TLE6: variants seen among roughly 807,000 people sequenced by gnomAD.
TLE6 encodes TLE family member 6, subcortical maternal complex member, also known as transducin-like enhancer protein 6.
TLE6 carries 72 observed loss-of-function variants against 77.1 expected under a neutral mutation model. The observed-to-expected ratio is 0.93, with a 90% CI of 0.77 to 1.14. The LOEUF (loss-of-function observed/expected upper bound fraction) is 1.14, where lower values mean the gene tolerates loss of function less well. TLE6 is among the 50% of genes most tolerant of loss of function. TLE6 has a pLI of 0.00. For synonymous variants in TLE6, 366 were observed against 287.3 expected, an observed-to-expected ratio of 1.27 and a Z score of -2.77; for missense variants, 843 against 747.6, an observed-to-expected ratio of 1.13 and a Z score of -1.49.
At chr19:2,979,065 C>G (rs918610300) in intron 2 of TLE6, among the ~76,000 whole-genome samples, 5 of 152,120 alleles carry the variant, frequency 3.3e-5, no homozygotes, top group African/African-American at 1.2e-4. Flanking sequence ...GATTCTCCTG[C>G]CTCGCCTCCC....
intron 13 of TLE6, 136 bp downstream of exon 13, chr19:2,989,921 A>AC: frequency 2.4e-6 from 3 of 1,236,422 alleles, no homozygotes; most frequent in Non-Finnish European, 1.1e-6. Context: ...CCCAGCCAAA[A>AC]CCCCTTGCCC....
chr19:2,978,305 G>A, intron 2 of TLE6, 21 bp downstream of exon 2: 1 of 1,550,982 alleles, frequency 6.4e-7, no homozygotes, highest in South Asian at 1.2e-5. Flanking sequence ...CATGTGGTGG[G>A]ATCAGCCCTC....
At chr19:2,987,874 T>A in intron 9 of TLE6, 24 bp from the exon 10 acceptor site, 11 of 1,612,298 alleles carry the variant, frequency 6.8e-6, no homozygotes, top group Non-Finnish European at 9.3e-6. Flanking sequence ...GCAAGCCGCT[T>A]AGCCCCTCTT....
chr19:2,988,885 G>A, intron 11 of TLE6, 176 bp from the exon 12 acceptor site: 1 of 928,764 alleles, frequency 1.1e-6, no homozygotes, highest in Admixed American at 2.9e-5. Flanking sequence ...GTGGCAAAGG[G>A]ACAATACTTG....
intron 8 of TLE6, 55 bp downstream of exon 8, chr19:2,987,427 G>A: frequency 1.2e-6 from 2 of 1,611,172 alleles, no homozygotes; most frequent in Admixed American, 1.7e-5. Context: ...GCAGGCGGTT[G>A]GGCTCCCCCA....
At chr19:2,981,449 G>C in intron 3 of TLE6, 89 bp from the exon 4 acceptor site, 1 of 1,414,764 alleles carries the variant, frequency 7.1e-7, no homozygotes, top group South Asian at 1.2e-5. Flanking sequence ...GCTTCATTGA[G>C]ACCCTCCCTA....
At chr19:2,978,380 C>G in intron 2 of TLE6, 96 bp downstream of exon 2, 1 of 1,241,874 alleles carries the variant, frequency 8.1e-7, no homozygotes, top group South Asian at 1.3e-5. Context: ...TGGCCCCGCC[C>G]AGGCCTCGCA....
intron 2 of TLE6, among the ~76,000 whole-genome samples, 178 bp downstream of exon 2, chr19:2,978,462 A>C (rs913179529): frequency 2.0e-5 from 3 of 152,232 alleles, no homozygotes; most frequent in Non-Finnish European, 4.4e-5. Context: ...AAAAAAATTA[A>C]GTGTAGGCTG....
chr19:2,979,018 C>T (rs2088739072), intron 2 of TLE6, among the ~76,000 whole-genome samples: 1 of 152,146 alleles, frequency 6.6e-6, no homozygotes, highest in Non-Finnish European at 1.5e-5. Flanking sequence ...ATGGCGCAAT[C>T]TCAGCTCACT....
At chr19:2,986,801 A>G (rs1448089331) in intron 5 of TLE6, 28 bp from the exon 6 acceptor site, 2 of 1,550,182 alleles carry the variant, frequency 1.3e-6, no homozygotes, top group African/African-American at 2.7e-5. Context: ...AACAACATTT[A>G]ACTGTTTTGC....
rs768461982 is a variant in TLE6, at chr19:2,986,277, G to A, written c.223-552G>A. Among the ~76,000 whole-genome samples the A allele has an allele frequency of 2.6e-5, 4 of 151,722 alleles. No individual in the cohort carries two copies. The East Asian group carries it at 7.8e-4, about 30-fold the overall frequency. On this transcript the variant is annotated intron_variant, in intron 5 of 16. Coordinates refer to ENST00000246112, the MANE Select transcript of TLE6 (RefSeq NM_001143986.2). ...AAAAGTGTATTTAAATTAGCTGAGC[G>A]TGGTGGTGCATACCTGTAACCCCAG...
At chr19:2,994,728 C>A (rs2089170509) in intron 16 of TLE6, among the ~76,000 whole-genome samples, 172 bp from the exon 17 acceptor site, 1 of 152,092 alleles carries the variant, frequency 6.6e-6, no homozygotes, top group Admixed American at 6.6e-5. Flanking sequence ...TGTGTGAGTC[C>A]AGGAGGTCGA....
In TLE6 at chr19:2,994,889, C is replaced by T. The variant is rs765390362; in HGVS notation, c.1615-11C>T. On this transcript the variant is annotated splice_polypyrimidine_tract_variant and intron_variant, in intron 16 of 16. Transcript: ENST00000246112. ...CCTACCCCAGCTCACTGCCCACTGC[C>T]CCCCCTCCAGGTGCCTGAGATGTCT... The T allele has an allele frequency of 1.3e-5, 20 of 1,569,158 alleles. No homozygotes were observed. The highest frequency in any genetic ancestry group is 1.7e-5 in the Non-Finnish European group (19 of 1,150,990).
At chr19:2,990,601 G>A (rs908497167) in intron 13 of TLE6, among the ~76,000 whole-genome samples, 9 of 147,248 alleles carry the variant, frequency 6.1e-5, no homozygotes, top group African/African-American at 1.5e-4. Context: ...GCAAGACTCT[G>A]TCTCAAAAAA....
At chr19:2,994,683 G>A (rs371555067) in intron 16 of TLE6, among the ~76,000 whole-genome samples, 13 of 150,266 alleles carry the variant, frequency 8.7e-5, no homozygotes, top group African/African-American at 2.2e-4. Context: ...GCACACCTGC[G>A]GTCCCAGCTA....
intron 5 of TLE6, among the ~76,000 whole-genome samples, 159 bp from the exon 6 acceptor site, chr19:2,986,670 C>T (rs2088917735): frequency 6.6e-6 from 1 of 152,148 alleles, no homozygotes; most frequent in African/African-American, 2.4e-5. Context: ...GCCGAGATTG[C>T]ACCACTGCAC....
intron 3 of TLE6, 121 bp from the exon 4 acceptor site, chr19:2,981,417 C>A: frequency 2.9e-6 from 3 of 1,027,474 alleles, no homozygotes; most frequent in South Asian, 1.5e-5. Flanking sequence ...TTAAATTTGG[C>A]TTCTGGAGCC....
At chr19:2,990,453 A>G (rs1257901098) in intron 13 of TLE6, among the ~76,000 whole-genome samples, 1 of 150,710 alleles carries the variant, frequency 6.6e-6, no homozygotes, top group Non-Finnish European at 1.5e-5. Context: ...ACTACAAAAA[A>G]ATTAGCCAGG....
intron 3 of TLE6, chr19:2,980,404 T>G (rs1024145204): frequency 2.1e-5 from 8 of 389,320 alleles, no homozygotes; most frequent in Non-Finnish European, 3.8e-5. Context: ...ATTTTCCTGT[T>G]CGACATGGAT....
Sources: gnomAD v4.1 joint callset for allele counts (sites outside exome capture counted in the v4.1 genomes callset) on GRCh38, gnomAD v4.1.1 for gene constraint, MANE v1.5 for transcripts, NCBI Gene and HGNC (gene_info 2026-07-23, HGNC 2026-07-21) for gene names.